The following ACSL1 variants were observed in gnomAD, a reference collection of about 807,000 sequenced individuals.
The protein encoded by ACSL1 is acyl-CoA synthetase long chain family member 1, also known as long-chain-fatty-acid--CoA ligase 1.
Under a neutral mutation model 98.4 loss-of-function variants are expected in ACSL1, and 41 were observed. That is an observed-to-expected ratio of 0.42 (90% CI 0.32 to 0.54). The LOEUF (loss-of-function observed/expected upper bound fraction) is 0.54, where lower values mean the gene tolerates loss of function less well. Among genes scored for constraint, ACSL1 ranks in the 20% least tolerant of loss-of-function variants. The probability of loss-of-function intolerance (pLI) is 0.13; values close to 1 mark genes in which losing one functional copy is unlikely to be tolerated. For missense variants in ACSL1, 734 were observed against 883.1 expected, an observed-to-expected ratio of 0.83 and a Z score of 2.14; for synonymous variants, 316 against 322.7, an observed-to-expected ratio of 0.98 and a Z score of 0.22.
chr4:184,817,755 C>G (rs111737443), intron 1 of ACSL1, among the ~76,000 whole-genome samples: 1 of 152,146 alleles, frequency 6.6e-6, no homozygotes, highest in Non-Finnish European at 1.5e-5. Context: ...GAGAGCAGGA[C>G]GCTACTGGTG....
In ACSL1 at chr4:184,803,253, A is replaced by T; in HGVS notation, c.195+67T>A. ...TTTGATCTTGATGGCTATCACATTC[A>T]ACAGGGCTCAGCTCATCTGGGGAAA... On this transcript the variant is annotated intron_variant, in intron 2 of 20. Transcript: ENST00000281455. This position sits in a 1 kb window ranked among gnomAD's most constrained non-coding sequence, Gnocchi z 4.8. 7.3e-7 allele frequency: 1 copy of T among 1,364,112 alleles called. No homozygotes were observed. The highest frequency in any genetic ancestry group is 2.5e-5 in the East Asian group (1 of 39,582). The allele number at this position is 1,364,112 out of a possible 1,614,324, so 84.5% of individuals were successfully genotyped here.
chr4:184,822,507 G>T (rs1382370833), intron 1 of ACSL1, among the ~76,000 whole-genome samples: 1 of 152,208 alleles, frequency 6.6e-6, no homozygotes, highest in African/African-American at 2.4e-5. Context: ...GGGAGGCCAA[G>T]GAGGGCAAAT....
intron 2 of ACSL1, among the ~76,000 whole-genome samples, chr4:184,801,473 A>G (rs904522015): frequency 3.3e-5 from 5 of 152,192 alleles, no homozygotes; most frequent in African/African-American, 9.7e-5. Flanking sequence ...GCAGTGCCAG[A>G]TGCACAGGCT....
At chr4:184,810,622 T>C (rs1771959417) in intron 1 of ACSL1, among the ~76,000 whole-genome samples, 1 of 152,160 alleles carries the variant, frequency 6.6e-6, no homozygotes, top group Non-Finnish European at 1.5e-5. Flanking sequence ...TGAGCTATCC[T>C]TCATGCCCCA....
At chr4:184,808,520 T>C (rs537299327) in intron 1 of ACSL1, 2 of 985,356 alleles carry the variant, frequency 2.0e-6, no homozygotes, top group South Asian at 9.4e-5. Context: ...CAACCCAAGC[T>C]GGCAAGATGC....
chr4:184,766,518 C>T lies in ACSL1; in HGVS notation c.1263+104G>A, dbSNP rs886832641. The T allele has an allele frequency of 2.8e-6, 4 of 1,430,762 alleles. No homozygotes were observed. The highest frequency in any genetic ancestry group is 3.8e-6 in the Non-Finnish European group (4 of 1,057,696). The allele number at this position is 1,430,762 out of a possible 1,614,324, so 88.6% of individuals were successfully genotyped here. On this transcript the variant is annotated intron_variant, in intron 13 of 20. Coordinates refer to ENST00000281455, the MANE Select transcript of ACSL1 (RefSeq NM_001995.5). The surrounding 1 kb of genome is among the most constrained non-coding windows in gnomAD (Gnocchi z 4.8). ...CCAGAATTAACAAAAACATGTTATT[C>T]TCTCCCTTACCTTCATCTCTCCCTC...
rs1762222194 is a variant in ACSL1 at position 184,757,214 on chromosome 4, G to A, written c.2008C>T (p.Leu670=). Residue 670 remains leucine (L), a synonymous_variant, in exon 21 of 21, where the codon CTG becomes TTG. Coordinates refer to ENST00000281455, the MANE Select transcript of ACSL1 (RefSeq NM_001995.5). This position sits in a 1 kb window ranked among gnomAD's most constrained non-coding sequence, Gnocchi z 4.5. ...CTTTTCGCCTTCATTGTTGGAGTCA[G>A]AAGGCCATTGTCGATAGAAAATAAT... The part of the protein sequence containing the change: ...PELFSIDNGL[L]TPTMKAKRPE... The A allele has an allele frequency of 1.2e-6, 2 of 1,609,902 alleles. No individual in the cohort carries two copies. Among genetic ancestry groups the A allele is most frequent in the Non-Finnish European group, 1.7e-6 (2 of 1,176,472 alleles).
At chr4:184,761,117 TCA>T (rs1762801793) in intron 17 of ACSL1, among the ~76,000 whole-genome samples, 4 of 152,180 alleles carry the variant, frequency 2.6e-5, no homozygotes, top group Non-Finnish European at 5.9e-5. Flanking sequence ...GGGGCCACTC[TCA>T]TGCCTCCAAA....
chr4:184,804,416 C>T (rs1450831353), intron 1 of ACSL1, among the ~76,000 whole-genome samples: 1 of 151,936 alleles, frequency 6.6e-6, no homozygotes, highest in East Asian at 1.9e-4. Context: ...TCCATCTCTT[C>T]AAAAAATACA....
rs889413262 is a variant in ACSL1, at chr4:184,757,981, CTTTAT to C, written c.1783-66_1783-62del. 1.3e-6 allele frequency: 2 copies of C among 1,511,530 alleles called. No homozygotes were observed. Among genetic ancestry groups the C allele is most frequent in the Admixed American group, 3.4e-5 (2 of 59,214 alleles). 93.6% of individuals were successfully genotyped at this position (1,511,530 alleles called of 1,614,324 possible). A position where few individuals can be genotyped will look rare whatever the true frequency, so the allele number is the denominator to read the frequency against. On this transcript the variant is annotated intron_variant, in intron 18 of 20. Transcript: ENST00000281455. This position sits in a 1 kb window ranked among gnomAD's most constrained non-coding sequence, Gnocchi z 4.5. ...ATCCAAATGCTCTAAAATAGTGGTT[CTTTAT>C]TTTTCCATCTTGTGGCCCCCTGGGA... is the stretch of plus-strand genomic sequence containing the variant.
chr4:184,780,424 A>G lies in ACSL1; in HGVS notation c.385T>C (p.Leu129=). Reference sequence around the variant, plus strand: ...AGTGCTGAGCCTATGCACTCCGACAATTCTGCAACCTAAAATGGAGAGGAA... The same window carrying G: ...AGTGCTGAGCCTATGCACTCCGACAGTTCTGCAACCTAAAATGGAGAGGAA... The part of the protein sequence containing the change: ...EWLSYKQVAE[L]SECIGSALIQ... The change falls in exon 5 of 21, where the codon TTG becomes CTG. Residue 129 remains leucine, a synonymous_variant. Transcript: ENST00000281455. The G allele has an allele frequency of 7.4e-6, 12 of 1,612,322 alleles. No individual in the cohort carries two copies. Among genetic ancestry groups the G allele is most frequent in the South Asian group, 1.1e-5 (1 of 91,002 alleles).
chr4:184,822,017 A>T (rs555826511), intron 1 of ACSL1, among the ~76,000 whole-genome samples: 1 of 152,368 alleles, frequency 6.6e-6, no homozygotes, highest in South Asian at 2.1e-4. Context: ...AAACAAATAC[A>T]GCTTTTCTGT....
At chr4:184,790,965 G>A (rs1283056002) in intron 2 of ACSL1, among the ~76,000 whole-genome samples, 1 of 152,190 alleles carries the variant, frequency 6.6e-6, no homozygotes, top group Non-Finnish European at 1.5e-5. Context: ...GAGAAAGGGG[G>A]AAAGGACAAA....
intron 7 of ACSL1, among the ~76,000 whole-genome samples, chr4:184,774,309 T>C (rs1764957568): frequency 6.6e-6 from 1 of 152,182 alleles, no homozygotes; most frequent in Non-Finnish European, 1.5e-5. Context: ...CACCCCCACA[T>C]TCTGCACAAC....
chr4:184,803,843 A>G lies in ACSL1; in HGVS notation c.-32-297T>C, dbSNP rs1770958571. ...CTCAAGAAGAATTCTTCCCATAAAA[A>G]CTCAAATAAGTAGATTTAAGTTTCT... On this transcript the variant is annotated intron_variant, in intron 1 of 20. Transcript: ENST00000281455. This position sits in a 1 kb window ranked among gnomAD's most constrained non-coding sequence, Gnocchi z 4.8. Among the ~76,000 whole-genome samples, 1 of 152,158 alleles carries G rather than the reference A, an allele frequency of 6.6e-6. No individual in the cohort carries two copies. The highest frequency in any genetic ancestry group is 1.5e-5 in the Non-Finnish European group (1 of 68,028).
At chr4:184,818,409 C>G (rs1185387598) in intron 1 of ACSL1, among the ~76,000 whole-genome samples, 1 of 152,212 alleles carries the variant, frequency 6.6e-6, no homozygotes, top group African/African-American at 2.4e-5. Flanking sequence ...CAGATGTACT[C>G]CGAAACACAA....
intron 1 of ACSL1, chr4:184,805,683 G>A (rs1771318542): frequency 2.8e-5 from 5 of 180,838 alleles, no homozygotes; most frequent in East Asian, 1.9e-4. Context: ...CGAGCCCCAC[G>A]CTGCTGCCCA....
intron 3 of ACSL1, 82 bp downstream of exon 3, chr4:184,788,535 G>C (rs561588218): frequency 9.0e-7 from 1 of 1,117,038 alleles, no homozygotes; most frequent in East Asian, 2.4e-5. Context: ...AAAGATAGGA[G>C]CAAATGTGCA....
At chr4:184,768,207 G>T in intron 12 of ACSL1, 109 bp downstream of exon 12, 1 of 1,176,424 alleles carries the variant, frequency 8.5e-7, no homozygotes, top group Non-Finnish European at 1.2e-6. Flanking sequence ...GTAAGATTGG[G>T]AGGATTGTCC....
Sources: gnomAD v4.1 joint callset for allele counts (sites outside exome capture counted in the v4.1 genomes callset) on GRCh38, gnomAD v4.1.1 for gene constraint, Gnocchi (gnomAD v3.1) non-coding constraint, MANE v1.5 for transcripts, NCBI Gene and HGNC (gene_info 2026-07-23, HGNC 2026-07-21) for gene names.